Variants in ETS1 observed in about 807,000 individuals in gnomAD.
ETS1 encodes the protein ETS proto-oncogene 1, transcription factor.
ETS1 carries 15 observed loss-of-function variants against 58.6 expected under a neutral mutation model. The observed-to-expected ratio is 0.26, with a 90% confidence interval of 0.17 to 0.39. The LOEUF (loss-of-function observed/expected upper bound fraction) is 0.39. ETS1 is among the 10% of genes least tolerant of loss of function. The pLI, the probability that ETS1 is intolerant of heterozygous loss-of-function variation, is 1.00. For missense variants in ETS1, 417 were observed against 610.5 expected (o/e 0.68, Z 3.34); for synonymous variants, 214 against 218.2 (o/e 0.98, Z 0.17).
chr11:128,539,214 T>A (rs1864018440), intron 3 of ETS1, among the ~76,000 whole-genome samples: 1 of 152,188 alleles, frequency 6.6e-6, no homozygotes, highest in Admixed American at 6.5e-5. Context: ...CTATATCAAA[T>A]CTAAAACCTA....
chr11:128,526,026 A>G (rs1453140825), intron 3 of ETS1: 1 of 152,202 alleles, frequency 6.6e-6, no homozygotes, highest in Non-Finnish European at 1.5e-5. Context: ...TTTGTGTCAC[A>G]ACCTCATCTC....
intron 7 of ETS1, among the ~76,000 whole-genome samples, chr11:128,484,515 C>T (rs1862572491): frequency 6.6e-6 from 1 of 152,148 alleles, no homozygotes; most frequent in South Asian, 2.1e-4. Flanking sequence ...TAGAGCATAC[C>T]TTTCAAAATG....
intron 3 of ETS1, among the ~76,000 whole-genome samples, chr11:128,542,172 A>G (rs1864066873): frequency 1.3e-5 from 2 of 152,232 alleles, no homozygotes; most frequent in Admixed American, 1.3e-4. Context: ...GTGAATTAGA[A>G]TGCCCCAGCC....
At chr11:128,512,909 G>A (rs4372467) in intron 3 of ETS1, among the ~76,000 whole-genome samples, 61,836 of 152,194 alleles carry the variant, frequency 0.41, 13,077 homozygotes, top group East Asian at 0.66. Context: ...TGGACTAGCT[G>A]CTTCACCTAC....
chr11:128,525,949 G>C (rs781771112), intron 3 of ETS1, among the ~76,000 whole-genome samples: 3 of 152,126 alleles, frequency 2.0e-5, no homozygotes, highest in Non-Finnish European at 4.4e-5. Context: ...CCCAAGCCAG[G>C]GGACTCAGAT....
intron 3 of ETS1, among the ~76,000 whole-genome samples, chr11:128,547,585 G>A (rs1293373815): frequency 6.6e-6 from 1 of 151,988 alleles, no homozygotes; most frequent in African/African-American, 2.4e-5. Context: ...CAAGTCTCAG[G>A]AGGTATGGAA....
intron 2 of ETS1, among the ~76,000 whole-genome samples, chr11:128,569,548 T>C (rs530057456): frequency 6.6e-6 from 1 of 151,862 alleles, no homozygotes; most frequent in African/African-American, 2.4e-5. Flanking sequence ...TGCAACTGAA[T>C]GTGAGGTTTG....
rs146955207 is a variant in ETS1, at chr11:128,480,428, A to G, written c.886T>C (p.Phe296Leu). 6.2e-7 allele frequency: 1 copy of G among 1,613,784 alleles called. No homozygotes were observed. The highest frequency in any genetic ancestry group is 8.5e-7 in the Non-Finnish European group (1 of 1,179,770). The change falls in exon 8 of 10, where the codon TTT becomes CTT. Residue 296 changes from phenylalanine to leucine, a missense_variant. Physicochemically the swap from Phe to Leu is conservative, Grantham distance 22. This residue lies in a region of ETS1 where 139 missense variants were observed against 152.1 expected (regional missense o/e 0.91). Transcript: ENST00000392668. The part of the protein sequence containing the change: ...SRGKLGGQDS[F>L]ESIESYDSCD... ...CTATCGTAGCTCTCTATGCTTTCAA[A>G]AGAGTCCTGGCCCCCGAGTTTACCT... is the stretch of plus-strand genomic sequence containing the variant.
chr11:128,525,993 C>A (rs1221043611), intron 3 of ETS1: 1 of 152,224 alleles, frequency 6.6e-6, no homozygotes, highest in Non-Finnish European at 1.5e-5. Flanking sequence ...GGCTCTGTGA[C>A]CTCACCAAAG....
chr11:128,466,770 TC>T (rs1051284699), intron 8 of ETS1, among the ~76,000 whole-genome samples: 1 of 146,160 alleles, frequency 6.8e-6, no homozygotes, highest in Admixed American at 6.7e-5. Context: ...GCTCTCTAAC[TC>T]TTTTTTTTTT....
chr11:128,526,974 T>A (rs1164749606), intron 3 of ETS1: 4 of 456,226 alleles, frequency 8.8e-6, no homozygotes, highest in Non-Finnish European at 1.8e-5. Flanking sequence ...TAGAACCAGA[T>A]GCCCTGATAG....
At chr11:128,547,946 A>G (rs749777567) in intron 3 of ETS1, among the ~76,000 whole-genome samples, 1 of 152,052 alleles carries the variant, frequency 6.6e-6, no homozygotes, top group Non-Finnish European at 1.5e-5. Context: ...TTTTTCTCAG[A>G]GTGCAACTAC....
intron 5 of ETS1, among the ~76,000 whole-genome samples, chr11:128,487,384 C>A (rs1171563772): frequency 6.6e-6 from 1 of 152,174 alleles, no homozygotes; most frequent in Non-Finnish European, 1.5e-5. Flanking sequence ...GCCAGAAGGC[C>A]CCTGTGAATC....
At chr11:128,525,891 C>T (rs978811405) in intron 3 of ETS1, among the ~76,000 whole-genome samples, 6 of 152,258 alleles carry the variant, frequency 3.9e-5, no homozygotes, top group Admixed American at 3.9e-4. Flanking sequence ...TAAAATAACT[C>T]TCTTAATTAA....
chr11:128,516,382 G>A (rs1863524349), intron 3 of ETS1, among the ~76,000 whole-genome samples: 3 of 152,170 alleles, frequency 2.0e-5, no homozygotes, highest in Non-Finnish European at 4.4e-5. Context: ...AAACATAGAG[G>A]CAAATGCTAT....
chr11:128,478,455 G>A (rs12807025), intron 8 of ETS1, among the ~76,000 whole-genome samples: 12,871 of 102,146 alleles, frequency 0.13, 898 homozygotes, highest in Admixed American at 0.24. Flanking sequence ...GAGAGGGAGG[G>A]AGGAAGGAAG....
chr11:128,548,624 G>A (rs1236173974), intron 3 of ETS1, among the ~76,000 whole-genome samples: 3 of 152,210 alleles, frequency 2.0e-5, no homozygotes, highest in South Asian at 2.1e-4. Flanking sequence ...TGTTCCAACC[G>A]TCTATTTCTT....
chr11:128,574,871 T>C (rs549718655), intron 1 of ETS1, among the ~76,000 whole-genome samples: 2 of 152,268 alleles, frequency 1.3e-5, no homozygotes, highest in Non-Finnish European at 2.9e-5. Flanking sequence ...TTGTGTCATA[T>C]GATAATGGCT....
chr11:128,478,731 G>A (rs1404105329), intron 8 of ETS1, among the ~76,000 whole-genome samples: 1 of 152,146 alleles, frequency 6.6e-6, no homozygotes, highest in Non-Finnish European at 1.5e-5. Context: ...ACCCCTAACA[G>A]GTATAACTGC....
Sources: allele counts gnomAD v4.1 joint callset (sites outside exome capture counted in the v4.1 genomes callset), GRCh38; gene constraint gnomAD v4.1.1; regional missense constraint gnomAD v4.1.1; transcripts MANE v1.5; gene names NCBI Gene and HGNC (gene_info 2026-07-23, HGNC 2026-07-21).